Variants in RANBP17 observed in about 807,000 individuals in gnomAD.
RANBP17 encodes RAN binding protein 17, also known as ran-binding protein 17.
RANBP17 carries 158 observed loss-of-function variants against 141.2 expected under a neutral mutation model. That is an observed-to-expected ratio of 1.12 (90% CI 0.98 to 1.28). The LOEUF (loss-of-function observed/expected upper bound fraction) is 1.28, where lower values mean the gene tolerates loss of function less well. RANBP17 is among the 50% of genes most tolerant of loss of function. The pLI is 0.00. For missense variants in RANBP17, 1,438 were observed against 1,290.7 expected (o/e 1.11, Z -1.75); for synonymous variants, 430 against 450.0 (o/e 0.96, Z 0.56).
intron 14 of RANBP17, among the ~76,000 whole-genome samples, chr5:171,107,266 C>G (rs1314292345): frequency 6.6e-6 from 1 of 152,124 alleles, no homozygotes; most frequent in African/African-American, 2.4e-5. Flanking sequence ...TTCTCTGTTG[C>G]CTGGTATCAA....
intron 14 of RANBP17, among the ~76,000 whole-genome samples, chr5:171,074,862 G>A (rs970767648): frequency 6.6e-6 from 1 of 152,122 alleles, no homozygotes; most frequent in Non-Finnish European, 1.5e-5. Flanking sequence ...GAGACTTTGT[G>A]TTCTAAAAGG....
intron 16 of RANBP17, among the ~76,000 whole-genome samples, chr5:171,182,389 CCTT>C (rs1760916846): frequency 6.6e-6 from 1 of 152,106 alleles, no homozygotes; most frequent in East Asian, 1.9e-4. Flanking sequence ...ACTTTATGCT[CCTT>C]CTAAGTTGAA....
chr5:171,022,887 G>T (rs933115320), intron 14 of RANBP17, among the ~76,000 whole-genome samples: 2 of 152,220 alleles, frequency 1.3e-5, no homozygotes, highest in Non-Finnish European at 2.9e-5. Flanking sequence ...GGGCTCTGGG[G>T]TTGGGATGCT....
chr5:170,895,749 TTTA>T (rs1446157064), intron 4 of RANBP17, among the ~76,000 whole-genome samples: 1 of 152,186 alleles, frequency 6.6e-6, no homozygotes, highest in African/African-American at 2.4e-5. Flanking sequence ...TGAAACTTAG[TTTA>T]TTATTTGTCC....
At chr5:170,864,980 G>A (rs1239870396) in intron 1 of RANBP17, among the ~76,000 whole-genome samples, 1 of 152,160 alleles carries the variant, frequency 6.6e-6, no homozygotes, top group Admixed American at 6.5e-5. Context: ...GGCAGGCACT[G>A]GATTAGGCTT....
intron 16 of RANBP17, among the ~76,000 whole-genome samples, chr5:171,173,695 T>C (rs538846583): frequency 3.3e-5 from 5 of 152,250 alleles, no homozygotes; most frequent in Non-Finnish European, 7.4e-5. Context: ...TCTCAGACTT[T>C]AGTGAGCATC....
intron 14 of RANBP17, among the ~76,000 whole-genome samples, chr5:171,025,963 C>T (rs188347399): frequency 1.3e-5 from 2 of 152,272 alleles, no homozygotes; most frequent in Admixed American, 6.5e-5. Flanking sequence ...TTGTCTTCCT[C>T]ACAAAACTGT....
chr5:171,239,283 C>T (rs1248499075), intron 22 of RANBP17, among the ~76,000 whole-genome samples: 5 of 152,146 alleles, frequency 3.3e-5, no homozygotes, highest in Non-Finnish European at 7.3e-5. Flanking sequence ...TATGGAAATG[C>T]TCCACATACA....
chr5:170,919,481 C>T lies in RANBP17; in HGVS notation c.1142C>T (p.Thr381Ile), dbSNP rs760249706. Residue 381 changes from threonine to isoleucine, a missense_variant, in exon 11 of 28, where the codon ACT (threonine) becomes ATT (isoleucine). Transcript: ENST00000523189. ...FAPNSVHYLL[T>I]LWQRMVASVP... ...CCTAACAGTGTTCATTATTTATTAA[C>T]TCTGTGGCAAAGGATGGTAGCATCT... 15 of 1,608,730 alleles carry T rather than the reference C, an allele frequency of 9.3e-6. No homozygotes were observed. Among genetic ancestry groups the T allele is most frequent in the African/African-American group, 1.3e-5 (1 of 74,652 alleles).
chr5:171,217,093 C>T (rs1763269844), intron 21 of RANBP17, among the ~76,000 whole-genome samples: 1 of 152,092 alleles, frequency 6.6e-6, no homozygotes, highest in Non-Finnish European at 1.5e-5. Context: ...CCGTCAATAC[C>T]TAGTTTATTG....
intron 5 of RANBP17, chr5:170,904,062 C>T (rs781702618): frequency 2.6e-5 from 12 of 457,226 alleles, no homozygotes; most frequent in Admixed American, 2.6e-4. Flanking sequence ...TAAACATAGT[C>T]TTTACCTCAC....
intron 14 of RANBP17, among the ~76,000 whole-genome samples, chr5:170,984,506 A>C (rs1340450544): frequency 1.3e-5 from 2 of 152,074 alleles, no homozygotes; most frequent in African/African-American, 4.8e-5. Context: ...ACACGGCTGT[A>C]GTCCCAGATA....
intron 14 of RANBP17, among the ~76,000 whole-genome samples, chr5:171,092,792 A>G (rs577364542): frequency 6.6e-6 from 1 of 152,300 alleles, no homozygotes; most frequent in South Asian, 2.1e-4. Context: ...TAATGAAGAA[A>G]CCTGTCCTGT....
intron 25 of RANBP17, chr5:171,271,727 G>A (rs1036736779): frequency 3.3e-5 from 7 of 211,572 alleles, no homozygotes; most frequent in South Asian, 1.9e-4. Context: ...AGGTAATAAC[G>A]GATTTAAAAA....
At chr5:170,987,893 T>C (rs932373267) in intron 14 of RANBP17, among the ~76,000 whole-genome samples, 4 of 151,554 alleles carry the variant, frequency 2.6e-5, no homozygotes, top group African/African-American at 9.7e-5. Flanking sequence ...TGGAAAAATA[T>C]GGGCTTAGTT....
At chr5:171,050,723 C>A (rs1250472831) in intron 14 of RANBP17, among the ~76,000 whole-genome samples, 1 of 152,074 alleles carries the variant, frequency 6.6e-6, no homozygotes, top group Non-Finnish European at 1.5e-5. Flanking sequence ...AATATTGTTA[C>A]ATTTATTTAA....
At chr5:170,954,976 G>A (rs1164755212) in intron 13 of RANBP17, among the ~76,000 whole-genome samples, 1 of 152,142 alleles carries the variant, frequency 6.6e-6, no homozygotes, top group African/African-American at 2.4e-5. Context: ...CCTCCTGTCA[G>A]ATCAGCAGGG....
intron 25 of RANBP17, among the ~76,000 whole-genome samples, chr5:171,274,063 C>T (rs1182080986): frequency 6.6e-5 from 10 of 150,938 alleles, no homozygotes; most frequent in Admixed American, 4.6e-4. Context: ...TCTTTTTCTT[C>T]AAAATAGCCA....
In RANBP17 at chr5:171,274,147, T is replaced by TGCGC. The variant is rs1491523668; in HGVS notation, c.2943+8301_2943+8302insCGCG. ...GTGTGTGTGTGTGTGTGTGTGTGTGTGTGCGCGCGCGCGCGCGTGCGCAAA... is the reference window on the plus strand; with the variant it reads ...GTGTGTGTGTGTGTGTGTGTGTGTGTGCGCGTGCGCGCGCGCGCGCGTGCGCAAA... On this transcript the variant is annotated intron_variant, in intron 25 of 27. Coordinates refer to ENST00000523189, the MANE Select transcript of RANBP17 (RefSeq NM_022897.5). 1.2e-3 allele frequency among the ~76,000 whole-genome samples: 153 copies of TGCGC among 122,924 alleles called. 1 individual carries two copies. The East Asian group carries it at 0.018, about 14-fold the overall frequency. The allele number at this position is 122,924 out of a possible 152,430, so 80.6% of individuals were successfully genotyped here. A position where few individuals can be genotyped will look rare whatever the true frequency, so the allele number is the denominator to read the frequency against.
Sources: gnomAD v4.1 joint callset for allele counts (sites outside exome capture counted in the v4.1 genomes callset) on GRCh38, gnomAD v4.1.1 for gene constraint, MANE v1.5 for transcripts, NCBI Gene and HGNC (gene_info 2026-07-23, HGNC 2026-07-21) for gene names.